LSS: variants seen among roughly 807,000 people sequenced by gnomAD.
The protein encoded by LSS is 2,3-epoxysqualene-lanosterol cyclase.
LSS carries 90 observed loss-of-function variants against 110.3 expected under a neutral mutation model. The observed-to-expected ratio is 0.82, with a 90% CI of 0.69 to 0.97. The LOEUF is 0.97. Ranked by LOEUF, LSS falls within the 50% of genes least tolerant of loss-of-function variation. The probability of loss-of-function intolerance (pLI) is 0.00; values close to 1 mark genes in which losing one functional copy is unlikely to be tolerated. For missense variants in LSS, 927 were observed against 990.0 expected, an observed-to-expected ratio of 0.94 and a Z score of 0.85; for synonymous variants, 433 against 400.0, an observed-to-expected ratio of 1.08 and a Z score of -0.98.
intron 17 of LSS, among the ~76,000 whole-genome samples, chr21:46,205,395 A>T (rs1175592660): frequency 6.6e-6 from 1 of 152,170 alleles, no homozygotes; most frequent in Non-Finnish European, 1.5e-5. Flanking sequence ...CCTGGCAGGC[A>T]TGTGGGCGGC....
At chr21:46,192,317 G>T in intron 20 of LSS, 1 of 418,978 alleles carries the variant, frequency 2.4e-6, no homozygotes, top group South Asian at 2.0e-5. Flanking sequence ...TGCTGGCCAG[G>T]ATAAGACACC....
chr21:46,225,849 A>G (rs903884010), intron 3 of LSS, among the ~76,000 whole-genome samples: 5 of 152,050 alleles, frequency 3.3e-5, no homozygotes, highest in African/African-American at 1.2e-4. Flanking sequence ...CTTGTATCCA[A>G]TAAATATCAG....
At chr21:46,219,681 T>C (rs2080250360) in intron 5 of LSS, 109 bp from the exon 6 acceptor site, 1 of 612,548 alleles carries the variant, frequency 1.6e-6, no homozygotes, top group South Asian at 2.4e-5. Context: ...CCCCTCTCCA[T>C]GAGGCAAGGG....
chr21:46,216,483 C>A lies in LSS; in HGVS notation c.689G>T (p.Trp230Leu). The change falls in exon 7 of 22, where the codon TGG (tryptophan) becomes TTG (leucine). Residue 230 changes from tryptophan (W) to leucine (L), a missense_variant. Transcript: ENST00000397728. The surrounding 1 kb of genome is among the most constrained non-coding windows in gnomAD (Gnocchi z 4.2). Reference protein sequence around the residue: ...DWAPAHPSTLWCHCRQVYLPM... With the variant: ...DWAPAHPSTLLCHCRQVYLPM... Reference sequence around the variant, plus strand: ...CAGGTACACCTGCCGGCAGTGGCACCAGAGTGTGGAGGGGTGTGCCGGTGC... The same window carrying A: ...CAGGTACACCTGCCGGCAGTGGCACAAGAGTGTGGAGGGGTGTGCCGGTGC... The A allele has an allele frequency of 6.2e-7, 1 of 1,613,356 alleles. No homozygotes were observed.
In LSS at chr21:46,189,597, G is replaced by A. The variant is rs892790568; in HGVS notation, c.*1507C>T. 1.6e-5 allele frequency: 7 copies of A among 451,316 alleles called. No homozygotes were observed. Among genetic ancestry groups the A allele is most frequent in the East Asian group, 1.4e-4 (2 of 14,372 alleles). The allele number at this position is 451,316 out of a possible 1,614,324, so 28.0% of individuals were successfully genotyped here. A position where few individuals can be genotyped will look rare whatever the true frequency, so the allele number is the denominator to read the frequency against. ...GGCACCTGGGTGAGAGCCCTGGACT[G>A]CACACCAAGGCAGAGGGGTGCCCCT... On this transcript the variant is annotated 3_prime_UTR_variant, in exon 22 of 22. Coordinates refer to ENST00000397728, the MANE Select transcript of LSS (RefSeq NM_002340.6).
chr21:46,197,896 A>AC (rs1419852786), intron 17 of LSS, among the ~76,000 whole-genome samples: 67 of 151,258 alleles, frequency 4.4e-4, no homozygotes, highest in South Asian at 6.2e-4. Flanking sequence ...AAAAAAAAAA[A>AC]CAAAAAACAA....
chr21:46,209,617 C>G lies in LSS; in HGVS notation c.1203G>C (p.Gly401=). The part of the protein sequence containing the change: ...FAIQALLEAG[G]HHRPEFSSCL... ...AGGACGAAAACTCGGGCCTGTGGTGCCCGCCCGCCTGGAAGAGACAGCAGG... is the reference window on the plus strand; with the variant it reads ...AGGACGAAAACTCGGGCCTGTGGTGGCCGCCCGCCTGGAAGAGACAGCAGG... Residue 401 remains glycine, a synonymous_variant, in exon 13 of 22, where the codon GGG becomes GGC. Transcript: ENST00000397728. This position sits in a 1 kb window ranked among gnomAD's most constrained non-coding sequence, Gnocchi z 4.4. 6.3e-7 allele frequency: 1 copy of G among 1,596,062 alleles called. No individual in the cohort carries two copies. Among genetic ancestry groups the G allele is most frequent in the Non-Finnish European group, 8.5e-7 (1 of 1,172,994 alleles).
chr21:46,214,340 G>A (rs1044103863), intron 9 of LSS, among the ~76,000 whole-genome samples: 1 of 152,180 alleles, frequency 6.6e-6, no homozygotes, highest in African/African-American at 2.4e-5. Flanking sequence ...TTTCTAATGC[G>A]TTTAGTACAG....
intron 20 of LSS, chr21:46,192,530 A>G (rs945250133): frequency 4.9e-6 from 2 of 412,068 alleles, no homozygotes; most frequent in African/African-American, 4.1e-5. Context: ...GTATGTGTGC[A>G]CAGGTGCCTG....
At chr21:46,207,380 T>C (rs759611965) in intron 15 of LSS, 48 bp downstream of exon 15, 1 of 1,601,292 alleles carries the variant, frequency 6.2e-7, no homozygotes, top group South Asian at 1.1e-5. Context: ...ACGCAGCTCA[T>C]CTGCAGGACA....
Position 46,191,130 on chromosome 21 carries a change from C to A in LSS, c.2173G>T (p.Glu725Ter). 1.2e-6 allele frequency: 2 copies of A among 1,614,178 alleles called. No individual in the cohort carries two copies. The highest frequency in any genetic ancestry group is 1.7e-6 in the Non-Finnish European group (2 of 1,180,032). The change falls in exon 22 of 22, where the codon GAG (glutamate) becomes TAG (stop). Residue 725 changes from glutamate to a stop codon, truncating the protein, a stop_gained. Coordinates refer to ENST00000397728, the MANE Select transcript of LSS (RefSeq NM_002340.6). LOFTEE classifies it high-confidence loss of function. ...CAGGGGTGGCCAGCAAGGGCTCTCT[C>A]AGGGTACAGCTGGGAGAAGCGGCCG... ...ALGRFSQLYP[E>*]RALAGHP
Position 46,209,540 on chromosome 21 carries a change from G to C in LSS, c.1266+14C>G, listed in dbSNP as rs1404204931. 38 of 1,597,334 alleles carry C rather than the reference G, an allele frequency of 2.4e-5. No individual in the cohort carries two copies. The highest frequency in any genetic ancestry group is 2.9e-5 in the Non-Finnish European group (34 of 1,172,254). On this transcript the variant is annotated intron_variant, in intron 13 of 21. Transcript: ENST00000397728. This position sits in a 1 kb window ranked among gnomAD's most constrained non-coding sequence, Gnocchi z 4.4. ...CCTCTTCAGCCCCCTCAGAGCCCCAGGCACCGGCCTCACCTGTGAGAGCCT... is the reference window on the plus strand; with the variant it reads ...CCTCTTCAGCCCCCTCAGAGCCCCACGCACCGGCCTCACCTGTGAGAGCCT...
chr21:46,193,184 T>C, intron 20 of LSS: 1 of 452,012 alleles, frequency 2.2e-6, no homozygotes, highest in Non-Finnish European at 4.4e-6. Flanking sequence ...CCTATGTCTG[T>C]GTGTGGCACA....
At position 46,222,784 on chromosome 21, in the gene LSS, ACTG is replaced by A. The variant is rs755147892; in HGVS notation, c.320-49_320-47del. 6.3e-6 allele frequency: 9 copies of A among 1,435,838 alleles called. No homozygotes were observed. In the Admixed American group the frequency reaches 1.5e-4, roughly 24 times the overall value. The allele number at this position is 1,435,838 out of a possible 1,614,324, so 88.9% of individuals were successfully genotyped here. On this transcript the variant is annotated intron_variant, in intron 3 of 21. Coordinates refer to ENST00000397728, the MANE Select transcript of LSS (RefSeq NM_002340.6). ...TCCTCACTGGGGACAGGTGGTCATGACTGCTAAGACCAGGCCCCTTTCCTCCTG... is the reference window on the plus strand; with the variant it reads ...TCCTCACTGGGGACAGGTGGTCATGACTAAGACCAGGCCCCTTTCCTCCTG...
At chr21:46,193,224 G>C (rs1241431463) in intron 20 of LSS, 3 of 435,276 alleles carry the variant, frequency 6.9e-6, no homozygotes, top group Non-Finnish European at 9.1e-6. Context: ...ATCTGCATGT[G>C]TGTACATAGG....
intron 17 of LSS, among the ~76,000 whole-genome samples, chr21:46,197,832 TGA>T (rs2123703003): frequency 6.6e-6 from 1 of 151,128 alleles, no homozygotes; most frequent in Admixed American, 6.6e-5. Flanking sequence ...GAGCTTGCGG[TGA>T]GCTGAGATTG....
chr21:46,195,039 G>C (rs1487065724), intron 19 of LSS, among the ~76,000 whole-genome samples: 2 of 152,218 alleles, frequency 1.3e-5, no homozygotes, highest in African/African-American at 2.4e-5. Flanking sequence ...GGGGCAGCTG[G>C]AGACAGGGCT....
In LSS at chr21:46,198,230, G is replaced by A. The variant is rs1467448506; in HGVS notation, c.1671-1963C>T. Among the ~76,000 whole-genome samples, 7 of 150,294 alleles carry A rather than the reference G, an allele frequency of 4.7e-5. No individual in the cohort carries two copies. In the East Asian group the frequency reaches 1.4e-3, roughly 29 times the overall value. On this transcript the variant is annotated intron_variant, in intron 17 of 21. Coordinates refer to ENST00000397728, the MANE Select transcript of LSS (RefSeq NM_002340.6). ...TGCAGTGAGCTATGATGGCACCACTGCACTCTGCCTGGGCAACAGAGTAAG... is the reference window on the plus strand; with the variant it reads ...TGCAGTGAGCTATGATGGCACCACTACACTCTGCCTGGGCAACAGAGTAAG...
chr21:46,213,084 A>G (rs1302328100), intron 10 of LSS, 32 bp from the exon 11 acceptor site: 1 of 1,611,230 alleles, frequency 6.2e-7, no homozygotes, highest in Admixed American at 1.7e-5. Flanking sequence ...AGTCAGGTGC[A>G]AGGAGAAAGC....
Sources: allele counts gnomAD v4.1 joint callset (sites outside exome capture counted in the v4.1 genomes callset), GRCh38; gene constraint gnomAD v4.1.1; non-coding constraint Gnocchi (gnomAD v3.1); transcripts MANE v1.5; gene names NCBI Gene and HGNC (gene_info 2026-07-23, HGNC 2026-07-21).